CPLX3: variants seen among roughly 807,000 people sequenced by gnomAD.
CPLX3 encodes complexin-3.
Under a neutral mutation model 17.2 loss-of-function variants are expected in CPLX3, and 12 were observed. The observed-to-expected ratio is 0.70, with a 90% CI of 0.45 to 1.13. The LOEUF is 1.13. Ranked by LOEUF, CPLX3 falls within the 50% of genes most tolerant of loss-of-function variation. The pLI, the probability that CPLX3 is intolerant of heterozygous loss-of-function variation, is 0.00. For synonymous variants in CPLX3, 75 were observed against 79.4 expected (o/e 0.94, Z 0.29); for missense variants, 172 against 203.2 (o/e 0.85, Z 0.93).
chr15:74,827,614 C>T (rs1299622774), intron 1 of CPLX3, among the ~76,000 whole-genome samples: 2 of 152,170 alleles, frequency 1.3e-5, no homozygotes, highest in Non-Finnish European at 2.9e-5. Flanking sequence ...AAAATTTTAT[C>T]CCCATTTTAC....
chr15:74,830,838 A>G lies in CPLX3; in HGVS notation c.*484A>G, dbSNP rs2063965975. On this transcript the variant is annotated 3_prime_UTR_variant, in exon 3 of 3. Coordinates refer to ENST00000395018, the MANE Select transcript of CPLX3 (RefSeq NM_001030005.3). The stretch of plus-strand genomic sequence containing the variant: ...TGGGCAGACACCCTCAGCAGACAGG[A>G]GGCCTGAGTTCCAGTCTCCACCTTT... The G allele has an allele frequency of 6.4e-6, 1 of 156,516 alleles. No homozygotes were observed. The highest frequency in any genetic ancestry group is 2.4e-5 in the African/African-American group (1 of 41,534). The allele number at this position is 156,516 out of a possible 1,614,324, so 9.7% of individuals were successfully genotyped here. A position where few individuals can be genotyped will look rare whatever the true frequency, so the allele number is the denominator to read the frequency against.
intron 2 of CPLX3, among the ~76,000 whole-genome samples, chr15:74,828,773 T>C (rs1431476512): frequency 6.6e-6 from 1 of 152,092 alleles, no homozygotes; most frequent in Admixed American, 6.5e-5. Flanking sequence ...TTCCAGAGTA[T>C]GGAGTCTGCC....
At chr15:74,827,002 G>A in intron 1 of CPLX3, 135 bp downstream of exon 1, 1 of 773,634 alleles carries the variant, frequency 1.3e-6, no homozygotes, top group Admixed American at 3.2e-5. Flanking sequence ...ACCGGGAGGT[G>A]TCCTCTACAC....
Position 74,826,722 on chromosome 15 carries a change from A to C in CPLX3, c.19A>C (p.Thr7Pro). The C allele has an allele frequency of 6.2e-7, 1 of 1,611,100 alleles. No homozygotes were observed. The highest frequency in any genetic ancestry group is 8.5e-7 in the Non-Finnish European group (1 of 1,178,728). ...GAAGACCATGGCGTTCATGGTGAAG[A>C]CCATGGTGGGCGGCCAGCTGAAGAA... MAFMVK[T>P]MVGGQLKNLT... The change falls in exon 1 of 3, where the codon ACC (threonine) becomes CCC (proline). Residue 7 changes from threonine to proline, a missense_variant. Transcript: ENST00000395018. The surrounding 1 kb of genome is among the most constrained non-coding windows in gnomAD (Gnocchi z 5.0).
chr15:74,826,950 G>T lies in CPLX3; in HGVS notation c.164+83G>T. The T allele has an allele frequency of 7.8e-7, 1 of 1,282,542 alleles. No individual in the cohort carries two copies. Among genetic ancestry groups the T allele is most frequent in the Non-Finnish European group, 1.1e-6 (1 of 925,192 alleles). 79.4% of individuals were successfully genotyped at this position (1,282,542 alleles called of 1,614,324 possible). ...CAGTCCATCCCCGGGCCAGCCTCAG[G>T]TCCCAATCCCTTCTCCCCTACTTTC... On this transcript the variant is annotated intron_variant, in intron 1 of 2. Coordinates refer to ENST00000395018, the MANE Select transcript of CPLX3 (RefSeq NM_001030005.3). The surrounding 1 kb of genome is among the most constrained non-coding windows in gnomAD (Gnocchi z 5.0).
intron 1 of CPLX3, among the ~76,000 whole-genome samples, chr15:74,827,283 G>A (rs1044033906): frequency 5.9e-5 from 9 of 152,182 alleles, no homozygotes; most frequent in African/African-American, 2.2e-4. Flanking sequence ...CCTGAGATGG[G>A]GGCACTCACA....
rs112319106 is a variant in CPLX3 at position 74,827,937 on chromosome 15, G to T, written c.165-97G>T. The T allele has an allele frequency of 3.0e-4, 294 of 985,100 alleles. No individual in the cohort carries two copies. The African/African-American group carries it at 4.3e-3, about 14-fold the overall frequency. The allele number at this position is 985,100 out of a possible 1,614,324, so 61.0% of individuals were successfully genotyped here. ...GCTACACACAGGGACCAATGCAGCA[G>T]CTGCTAGGACTCAGAGACCCCTTCT... On this transcript the variant is annotated intron_variant, in intron 1 of 2. Transcript: ENST00000395018.
Position 74,828,043 on chromosome 15 carries a change from G to A in CPLX3, c.174G>A (p.Arg58=), listed in dbSNP as rs1211366946. 6.8e-6 allele frequency: 11 copies of A among 1,606,804 alleles called. No individual in the cohort carries two copies. In the East Asian group the frequency reaches 2.5e-4, roughly 36 times the overall value. Residue 58 remains arginine (R), a synonymous_variant, in exon 2 of 3, where the codon CGG becomes CGA. Coordinates refer to ENST00000395018, the MANE Select transcript of CPLX3 (RefSeq NM_001030005.3). The part of the protein sequence containing the change: ...QKQLVEEKME[R]DAQFTQRKAE... ...TCCGGTGACCCTGCAGGATGGAGCG[G>A]GATGCACAGTTCACACAGAGGAAGG...
Position 74,830,313 on chromosome 15 carries a change from G to C in CPLX3, c.436G>C (p.Gly146Arg). 1 of 1,613,772 alleles carries C rather than the reference G, an allele frequency of 6.2e-7. No homozygotes were observed. Among genetic ancestry groups the C allele is most frequent in the Non-Finnish European group, 8.5e-7 (1 of 1,180,036 alleles). Residue 146 changes from glycine (G) to arginine (R), a missense_variant, in exon 3 of 3, where the codon GGG becomes CGG. Transcript: ENST00000395018. ...SLKDKAQATL[G>R]DLKQSAEKCH... ...CAAGGACAAGGCCCAGGCCACACTG[G>C]GGGATCTCAAGCAATCAGCTGAGAA...
At chr15:74,828,183 C>A in intron 2 of CPLX3, 62 bp downstream of exon 2, 2 of 1,368,744 alleles carry the variant, frequency 1.5e-6, no homozygotes, top group Non-Finnish European at 2.0e-6. Flanking sequence ...TGGACTCCTT[C>A]GCCCCATTCT....
Position 74,828,162 on chromosome 15 carries a change from G to A in CPLX3, c.252+41G>A, listed in dbSNP as rs751792648. 4.3e-5 allele frequency: 66 copies of A among 1,518,588 alleles called. 1 individual carries two copies. In the Middle Eastern group the frequency reaches 2.9e-3, roughly 66 times the overall value. 94.1% of individuals were successfully genotyped at this position (1,518,588 alleles called of 1,614,324 possible). On this transcript the variant is annotated intron_variant, in intron 2 of 2. Transcript: ENST00000395018. ...CTGTGAGGCACATCTGGGACCCTGA[G>A]CTCTGGGTTCTGGACTCCTTCGCCC...
Position 74,830,138 on chromosome 15 carries a change from A to C in CPLX3, c.261A>C (p.Thr87=), listed in dbSNP as rs1313913018. Residue 87 remains threonine, a synonymous_variant, in exon 3 of 3, where the codon ACA becomes ACC. Coordinates refer to ENST00000395018, the MANE Select transcript of CPLX3 (RefSeq NM_001030005.3). The part of the protein sequence containing the change: ...RDKYRLPKNE[T]DESQIQMAGG... The stretch of plus-strand genomic sequence containing the variant: ...TCCCCTCTTCCCTTCAGAACGAGAC[A>C]GATGAGAGCCAGATCCAGATGGCAG... The C allele has an allele frequency of 6.2e-7, 1 of 1,613,748 alleles. No homozygotes were observed. Among genetic ancestry groups the C allele is most frequent in the East Asian group, 2.2e-5 (1 of 44,878 alleles).
chr15:74,828,591 C>A (rs113110304), intron 2 of CPLX3, among the ~76,000 whole-genome samples: 2,287 of 152,262 alleles, frequency 0.015, 63 homozygotes, highest in African/African-American at 0.052. Flanking sequence ...CCTCATCTAA[C>A]CCCCAATAAT....
intron 1 of CPLX3, among the ~76,000 whole-genome samples, chr15:74,827,612 A>G (rs1397630552): frequency 1.3e-5 from 2 of 152,226 alleles, no homozygotes; most frequent in African/African-American, 2.4e-5. Context: ...GCAAAATTTT[A>G]TCCCCATTTT....
At chr15:74,830,015 A>G in intron 2 of CPLX3, 115 bp from the exon 3 acceptor site, 1 of 735,710 alleles carries the variant, frequency 1.4e-6, no homozygotes, top group Non-Finnish European at 2.2e-6. Flanking sequence ...AAAAAAAAAG[A>G]AAAAATAGAA....
chr15:74,827,848 C>A (rs955931146), intron 1 of CPLX3, among the ~76,000 whole-genome samples, 186 bp from the exon 2 acceptor site: 2 of 152,170 alleles, frequency 1.3e-5, no homozygotes, highest in South Asian at 4.1e-4. Flanking sequence ...GTGGCAGAGA[C>A]GACAAAGGGC....
Position 74,830,303 on chromosome 15 carries a change from G to C in CPLX3, c.426G>C (p.Gln142His), listed in dbSNP as rs199540758. ...LNLGSLKDKA[Q>H]ATLGDLKQSA... ...TGGGCTCACTCAAGGACAAGGCCCAGGCCACACTGGGGGATCTCAAGCAAT... is the reference window on the plus strand; with the variant it reads ...TGGGCTCACTCAAGGACAAGGCCCACGCCACACTGGGGGATCTCAAGCAAT... The change falls in exon 3 of 3, where the codon CAG becomes CAC. Residue 142 changes from glutamine (Q) to histidine (H), a missense_variant. By Grantham distance (24) the Gln-to-His change is conservative (BLOSUM62 0). Coordinates refer to ENST00000395018, the MANE Select transcript of CPLX3 (RefSeq NM_001030005.3). 265 of 1,613,722 alleles carry C rather than the reference G, an allele frequency of 1.6e-4. No individual in the cohort carries two copies. Among genetic ancestry groups the C allele is most frequent in the Non-Finnish European group, 2.1e-4 (245 of 1,180,052 alleles).
In CPLX3 at chr15:74,826,909, C is replaced by G. The variant is rs537073505; in HGVS notation, c.164+42C>G. 3 of 1,560,188 alleles carry G rather than the reference C, an allele frequency of 1.9e-6. No homozygotes were observed. Among genetic ancestry groups the G allele is most frequent in the Admixed American group, 1.8e-5 (1 of 55,556 alleles). On this transcript the variant is annotated intron_variant, in intron 1 of 2. Coordinates refer to ENST00000395018, the MANE Select transcript of CPLX3 (RefSeq NM_001030005.3). This position sits in a 1 kb window ranked among gnomAD's most constrained non-coding sequence, Gnocchi z 5.0. ...CCTGGCTCCAACGACCTCCCCTCCC[C>G]ACCCCCACAGCTGCTCAGTCCATCC...
chr15:74,829,797 T>C (rs2063959881), intron 2 of CPLX3, among the ~76,000 whole-genome samples: 1 of 152,222 alleles, frequency 6.6e-6, no homozygotes, highest in East Asian at 1.9e-4. Context: ...AAGGTCTCCA[T>C]GTCCAGGCAT....
Sources: allele counts gnomAD v4.1 joint callset (sites outside exome capture counted in the v4.1 genomes callset), GRCh38; gene constraint gnomAD v4.1.1; non-coding constraint Gnocchi (gnomAD v3.1); transcripts MANE v1.5; gene names NCBI Gene and HGNC (gene_info 2026-07-23, HGNC 2026-07-21).